Variants in WNK4 observed in about 807,000 individuals in gnomAD.
WNK4 encodes WNK lysine deficient protein kinase 4.
Under a neutral mutation model 116.2 loss-of-function variants are expected in WNK4, and 94 were observed. The ratio of observed to expected loss-of-function variants is 0.81; its 90% CI spans 0.68 to 0.96. The LOEUF (loss-of-function observed/expected upper bound fraction) is 0.96. Among genes scored for constraint, WNK4 ranks in the 40% least tolerant of loss-of-function variants. The pLI is 0.00. For synonymous variants in WNK4, 655 were observed against 672.7 expected, an observed-to-expected ratio of 0.97 and a Z score of 0.41; for missense variants, 1,542 against 1,650.6, an observed-to-expected ratio of 0.93 and a Z score of 1.14.
At chr17:42,793,936 T>C in intron 12 of WNK4, 1 of 580,920 alleles carries the variant, frequency 1.7e-6, no homozygotes, top group Non-Finnish European at 3.0e-6. Flanking sequence ...CACTGCAAGC[T>C]CCGCCTCCCG....
In WNK4 at chr17:42,783,203, G is replaced by T. The variant is rs528965351; in HGVS notation, c.791+273G>T. The stretch of plus-strand genomic sequence containing the variant: ...TCTTTCCTTAACCTCTCCCCACCTG[G>T]CTTTCACTGCTTCATCCATGCCACC... On this transcript the variant is annotated intron_variant, in intron 2 of 18. Transcript: ENST00000246914. Among the ~76,000 whole-genome samples, 89 of 152,122 alleles carry T rather than the reference G, an allele frequency of 5.9e-4. 1 individual carries two copies. The highest frequency in any genetic ancestry group is 2.0e-3 in the African/African-American group (82 of 41,500).
chr17:42,791,584 A>C (rs1475468410), intron 11 of WNK4, among the ~76,000 whole-genome samples: 1 of 151,650 alleles, frequency 6.6e-6, no homozygotes, highest in Non-Finnish European at 1.5e-5. Context: ...GGTTGCGGTG[A>C]GCCACGGTCA....
At chr17:42,783,075 C>CCA in intron 2 of WNK4, 145 bp downstream of exon 2, 7 of 1,139,538 alleles carry the variant, frequency 6.1e-6, no homozygotes, top group Non-Finnish European at 7.5e-6. Flanking sequence ...TTTGTCCCTG[C>CCA]CTCGGTGAGT....
Position 42,787,474 on chromosome 17 carries a change from C to T in WNK4, c.1673C>T (p.Pro558Leu). Residue 558 changes from proline (P) to leucine (L), a missense_variant, in exon 7 of 19, where the codon CCT becomes CTT. Coordinates refer to ENST00000246914, the MANE Select transcript of WNK4 (RefSeq NM_032387.5). ...CCCCCCAGTGTCTTCCCCCCTGAGC[C>T]TGAGGAGCCAGAGGCAGACCAGCAC... ...PGPPSVFPPEPEEPEADQHQP... is the reference protein window; with the variant it reads ...PGPPSVFPPELEEPEADQHQP... 6.9e-7 allele frequency: 1 copy of T among 1,447,322 alleles called. No homozygotes were observed. The highest frequency in any genetic ancestry group is 9.3e-7 in the Non-Finnish European group (1 of 1,073,778). The allele number at this position is 1,447,322 out of a possible 1,614,324, so 89.7% of individuals were successfully genotyped here. A position where few individuals can be genotyped will look rare whatever the true frequency, so the allele number is the denominator to read the frequency against.
At chr17:42,794,520 G>A in intron 12 of WNK4, 94 bp from the exon 13 acceptor site, 1 of 1,373,038 alleles carries the variant, frequency 7.3e-7, no homozygotes, top group South Asian at 1.2e-5. Context: ...ACTCCTATAG[G>A]TTCATGGGTC....
At chr17:42,787,969 C>A in intron 8 of WNK4, 70 bp downstream of exon 8, 1 of 1,604,510 alleles carries the variant, frequency 6.2e-7, no homozygotes. Context: ...CTTGTGAAAC[C>A]CAATCTCATG....
At chr17:42,793,988 G>T (rs559103929) in intron 12 of WNK4, 36 of 427,906 alleles carry the variant, frequency 8.4e-5, no homozygotes, top group Middle Eastern at 7.4e-4. Flanking sequence ...GAGTAGCTGG[G>T]ACTACAGGCG....
Position 42,781,204 on chromosome 17 carries a change from C to T in WNK4, c.506C>T (p.Pro169Leu), listed in dbSNP as rs2143987485. ...GAGACCCAGGCTGTGGCAACGTCCCCCGATGGCCGATACCTCAAGTTTGAC... is the reference window on the plus strand; with the variant it reads ...GAGACCCAGGCTGTGGCAACGTCCCTCGATGGCCGATACCTCAAGTTTGAC... Reference protein sequence around the residue: ...DMETQAVATSPDGRYLKFDIE... With the variant: ...DMETQAVATSLDGRYLKFDIE... Residue 169 changes from proline to leucine, a missense_variant, in exon 1 of 19, where the codon CCC (proline) becomes CTC (leucine). Pro to Leu is a moderately conservative substitution (Grantham distance 98). Transcript: ENST00000246914. 3 of 1,614,162 alleles carry T rather than the reference C, an allele frequency of 1.9e-6. No homozygotes were observed. Among genetic ancestry groups the T allele is most frequent in the Non-Finnish European group, 2.5e-6 (3 of 1,180,018 alleles).
chr17:42,796,195 G>T lies in WNK4; in HGVS notation c.3504G>T (p.Gly1168=). 1.2e-6 allele frequency: 2 copies of T among 1,614,060 alleles called. No individual in the cohort carries two copies. Among genetic ancestry groups the T allele is most frequent in the Non-Finnish European group, 1.7e-6 (2 of 1,180,002 alleles). The change falls in exon 17 of 19, where the codon GGG becomes GGT. Residue 1168 remains glycine, a synonymous_variant. Transcript: ENST00000246914. The stretch of plus-strand genomic sequence containing the variant: ...TTGAAGATTTGTACAGCCGGCTGGG[G>T]AAGCAGCCCCCACCGGGTATTGTGG... The part of the protein sequence containing the change: ...KEIEDLYSRL[G]KQPPPGIVAP...
rs781142521 is a variant in WNK4, at chr17:42,788,152, G to A, written c.1886G>A (p.Arg629His). The change falls in exon 9 of 19, where the codon CGT (arginine) becomes CAT (histidine). Residue 629 changes from arginine to histidine, a missense_variant. Arg to His is a conservative substitution (Grantham distance 29). Coordinates refer to ENST00000246914, the MANE Select transcript of WNK4 (RefSeq NM_032387.5). ...LPSAFALSIP[R>H]SGPGSDFSPG... The stretch of plus-strand genomic sequence containing the variant: ...CAGGCTTTTGCCCTATCCATTCCAC[G>A]TTCTGGCCCTGGAAGTGACTTTTCC... The A allele has an allele frequency of 3.0e-5, 49 of 1,613,950 alleles. No homozygotes were observed. The highest frequency in any genetic ancestry group is 3.6e-5 in the Non-Finnish European group (43 of 1,180,028).
Position 42,781,150 on chromosome 17 carries a change from G to A in WNK4, c.452G>A (p.Arg151Gln), listed in dbSNP as rs1351834506. 6.2e-7 allele frequency: 1 copy of A among 1,614,056 alleles called. No individual in the cohort carries two copies. The highest frequency in any genetic ancestry group is 8.5e-7 in the Non-Finnish European group (1 of 1,179,968). Residue 151 changes from arginine (R) to glutamine (Q), a missense_variant, in exon 1 of 19, where the codon CGG becomes CAG. Transcript: ENST00000246914. The part of the protein sequence containing the change: ...RVPEAVALER[R>Q]REQEEKEDME... The stretch of plus-strand genomic sequence containing the variant: ...CCTGAAGCTGTGGCCCTAGAGCGGC[G>A]GCGGGAGCAGGAAGAAAAGGAGGAC...
chr17:42,785,622 G>A, intron 6 of WNK4, 140 bp downstream of exon 6: 3 of 1,094,512 alleles, frequency 2.7e-6, no homozygotes, highest in Middle Eastern at 3.0e-4. Flanking sequence ...CTCCTGCAGC[G>A]TCTCCCTACC....
intron 8 of WNK4, 93 bp downstream of exon 8, chr17:42,787,992 G>C: frequency 6.3e-7 from 1 of 1,598,608 alleles, no homozygotes; most frequent in Non-Finnish European, 8.6e-7. Context: ...CCAGTCCCAT[G>C]TCCCTGGAAA....
Position 42,795,336 on chromosome 17 carries a change from G to A in WNK4, c.2915G>A (p.Gly972Asp). The A allele has an allele frequency of 1.2e-6, 2 of 1,613,954 alleles. No individual in the cohort carries two copies. The highest frequency in any genetic ancestry group is 1.6e-4 in the Middle Eastern group (1 of 6,062). The change falls in exon 14 of 19, where the codon GGT becomes GAT. Residue 972 changes from glycine (G) to aspartate (D), a missense_variant. By Grantham distance (94) the Gly-to-Asp change is moderately conservative. Transcript: ENST00000246914. Reference sequence around the variant, plus strand: ...CCCCTTCCCCCTCCCGTTGCTCCTGGTGGCCAGGAAAGCCCTTCACCCCAC... The same window carrying A: ...CCCCTTCCCCCTCCCGTTGCTCCTGATGGCCAGGAAAGCCCTTCACCCCAC... ...SLPLPPPVAPGGQESPSPHTA... is the reference protein window; with the variant it reads ...SLPLPPPVAPDGQESPSPHTA...
chr17:42,783,935 AG>A lies in WNK4; in HGVS notation c.792del. 6.2e-7 allele frequency: 1 copy of A among 1,612,720 alleles called. No homozygotes were observed. On this transcript the variant is annotated splice_acceptor_variant, in intron 2 of 18. Transcript: ENST00000246914. LOFTEE classifies it high-confidence loss of function. Reference sequence around the variant, plus strand: ...GGACTCTGGCTATGCGCCCTCCCCCAGGTACCTGAGGCGGTTCCGGGAGATG... The same window carrying A: ...GGACTCTGGCTATGCGCCCTCCCCCAGTACCTGAGGCGGTTCCGGGAGATG...
In WNK4 at chr17:42,787,442, C is replaced by T. The variant is rs9916754; in HGVS notation, c.1641C>T (p.Ala547=). 0.021 allele frequency: 34,217 copies of T among 1,613,842 alleles called. 2,899 individuals are homozygous for T. The African/African-American group carries it at 0.23, about 11-fold the overall frequency. ...CTCCACCAGCAACTGTGCCCATGGC[C>T]CCCGGTCCCCCCAGTGTCTTCCCCC... ...PGPPPATVPM[A]PGPPSVFPPE... The change falls in exon 7 of 19, where the codon GCC becomes GCT. Residue 547 remains alanine (A), a synonymous_variant. Transcript: ENST00000246914.
chr17:42,788,105 C>T (rs1212891707), intron 8 of WNK4, 25 bp from the exon 9 acceptor site: 1 of 1,614,016 alleles, frequency 6.2e-7, no homozygotes. Flanking sequence ...TTCCCCTGAC[C>T]TCATGAACCC....
Position 42,784,328 on chromosome 17 carries a change from C to T in WNK4, c.1013-94C>T. 5 of 1,567,236 alleles carry T rather than the reference C, an allele frequency of 3.2e-6. No individual in the cohort carries two copies. The highest frequency in any genetic ancestry group is 4.3e-6 in the Non-Finnish European group (5 of 1,151,912). On this transcript the variant is annotated intron_variant, in intron 3 of 18. Coordinates refer to ENST00000246914, the MANE Select transcript of WNK4 (RefSeq NM_032387.5). The surrounding 1 kb of genome is among the most constrained non-coding windows in gnomAD (Gnocchi z 4.4). ...TCAACCCCACTGTGGGCCGGGGTCA[C>T]TTGCACTCGCAGGGTTGCCTGGGGC... is the stretch of plus-strand genomic sequence containing the variant.
chr17:42,794,550 C>G, intron 12 of WNK4, 64 bp from the exon 13 acceptor site: 1 of 1,593,486 alleles, frequency 6.3e-7, no homozygotes. Flanking sequence ...GAACCCCGGT[C>G]TGACACCTTC....
Sources: gnomAD v4.1 joint callset for allele counts (sites outside exome capture counted in the v4.1 genomes callset) on GRCh38, gnomAD v4.1.1 for gene constraint, Gnocchi (gnomAD v3.1) non-coding constraint, MANE v1.5 for transcripts, NCBI Gene and HGNC (gene_info 2026-07-23, HGNC 2026-07-21) for gene names.